Variants in HECW1 observed in about 807,000 individuals in gnomAD.
The protein encoded by HECW1 is E3 ubiquitin-protein ligase HECW1.
Under a neutral mutation model 182.3 loss-of-function variants are expected in HECW1, and 61 were observed. That is an observed-to-expected ratio of 0.33 (90% CI 0.27 to 0.41). HECW1 has a LOEUF of 0.41. Among genes scored for constraint, HECW1 ranks in the 10% least tolerant of loss-of-function variants. HECW1 has a pLI of 1.00. For missense variants in HECW1, 1,739 were observed against 2,108.9 expected (o/e 0.82, Z 3.44); for synonymous variants, 859 against 832.6 (o/e 1.03, Z -0.55).
rs761303912 is a variant in HECW1 at position 43,493,137 on chromosome 7, C to T, written c.3394C>T (p.Leu1132=). 6.2e-7 allele frequency: 1 copy of T among 1,613,738 alleles called. No individual in the cohort carries two copies. The highest frequency in any genetic ancestry group is 8.5e-7 in the Non-Finnish European group (1 of 1,179,798). ...FLRQPNIFEM[L]QERQPSLARN... ...TCGCCAGCCAAACATTTTTGAAATG[C>T]TGCAAGAGCGTCAGCCAAGCTTAGC... is the stretch of plus-strand genomic sequence containing the variant. The change falls in exon 19 of 30, where the codon CTG becomes TTG. Residue 1132 remains leucine (L), a synonymous_variant. Coordinates refer to ENST00000395891, the MANE Select transcript of HECW1 (RefSeq NM_015052.5).
intron 8 of HECW1, among the ~76,000 whole-genome samples, chr7:43,428,591 T>C (rs1470715055): frequency 1.3e-5 from 2 of 152,196 alleles, no homozygotes; most frequent in Non-Finnish European, 2.9e-5. Flanking sequence ...AAATTTAGAC[T>C]TACTGACTGA....
rs770843891 is a variant in HECW1, at chr7:43,112,847, G to C, written c.-357G>C. 6 of 226,792 alleles carry C rather than the reference G, an allele frequency of 2.6e-5. No individual in the cohort carries two copies. Among genetic ancestry groups the C allele is most frequent in the Middle Eastern group, 1.3e-3 (1 of 760 alleles). The allele number at this position is 226,792 out of a possible 1,614,324, so 14.0% of individuals were successfully genotyped here. A position where few individuals can be genotyped will look rare whatever the true frequency, so the allele number is the denominator to read the frequency against. ...GTCCCCTCCCCAGCCAGTCCCAGGC[G>C]CCCGGTGCACTATGCGGGGCACGTG... On this transcript the variant is annotated 5_prime_UTR_variant, in exon 1 of 30. Coordinates refer to ENST00000395891, the MANE Select transcript of HECW1 (RefSeq NM_015052.5).
rs545821644 is a variant in HECW1, at chr7:43,497,361, A to G, written c.3438-3338A>G. On this transcript the variant is annotated intron_variant, in intron 19 of 29. Transcript: ENST00000395891. ...TGGTGAAGTTGGAGAGGGAGGCCCTATCACCAACCGGAAACATTTTATTTG... is the reference window on the plus strand; with the variant it reads ...TGGTGAAGTTGGAGAGGGAGGCCCTGTCACCAACCGGAAACATTTTATTTG... Among the ~76,000 whole-genome samples the G allele has an allele frequency of 9.2e-5, 14 of 152,324 alleles. No homozygotes were observed. The East Asian group carries it at 1.3e-3, about 15-fold the overall frequency.
chr7:43,405,449 C>T (rs1205635961), intron 7 of HECW1, among the ~76,000 whole-genome samples: 1 of 152,076 alleles, frequency 6.6e-6, no homozygotes, highest in Non-Finnish European at 1.5e-5. Flanking sequence ...AAGCCAGGAG[C>T]AAGCTTCCAA....
At chr7:43,327,301 G>A (rs1349042358) in intron 5 of HECW1, among the ~76,000 whole-genome samples, 1 of 152,046 alleles carries the variant, frequency 6.6e-6, no homozygotes, top group African/African-American at 2.4e-5. Flanking sequence ...TTATATTATT[G>A]TGCCATCTGA....
intron 6 of HECW1, among the ~76,000 whole-genome samples, chr7:43,365,159 C>T (rs1325492571): frequency 6.6e-6 from 1 of 152,254 alleles, no homozygotes; most frequent in Non-Finnish European, 1.5e-5. Flanking sequence ...GGGGCCCTCC[C>T]TTTGCCTGCC....
At chr7:43,377,035 T>C (rs2074359727) in intron 6 of HECW1, among the ~76,000 whole-genome samples, 1 of 151,968 alleles carries the variant, frequency 6.6e-6, no homozygotes, top group African/African-American at 2.4e-5. Flanking sequence ...AGAGCCAACA[T>C]GAGTAAAGTT....
chr7:43,546,268 T>C (rs891818995), intron 26 of HECW1, among the ~76,000 whole-genome samples: 1 of 149,368 alleles, frequency 6.7e-6, no homozygotes, highest in Non-Finnish European at 1.5e-5. Context: ...TCTTTCATGA[T>C]TTCCTTGATT....
intron 27 of HECW1, among the ~76,000 whole-genome samples, chr7:43,552,000 G>A (rs975303959): frequency 2.0e-4 from 30 of 152,064 alleles, no homozygotes; most frequent in Non-Finnish European, 2.8e-4. Flanking sequence ...CTCCTAATAC[G>A]ATCCCCTCAG....
chr7:43,134,546 C>A (rs1787318418), intron 2 of HECW1, among the ~76,000 whole-genome samples: 1 of 151,868 alleles, frequency 6.6e-6, no homozygotes, highest in African/African-American at 2.4e-5. Flanking sequence ...TGCTCTGTCC[C>A]CAAGGCTGGA....
intron 2 of HECW1, among the ~76,000 whole-genome samples, chr7:43,187,796 T>C (rs889117299): frequency 1.3e-5 from 2 of 152,164 alleles, no homozygotes; most frequent in African/African-American, 2.4e-5. Context: ...TTGGTAATTA[T>C]AGGTGAGCTC....
At chr7:43,204,005 T>C (rs1298050573) in intron 2 of HECW1, among the ~76,000 whole-genome samples, 1 of 152,250 alleles carries the variant, frequency 6.6e-6, no homozygotes, top group Admixed American at 6.5e-5. Context: ...AGAATTTATT[T>C]TGAACTTGTA....
chr7:43,238,492 C>T (rs1286695054), intron 2 of HECW1, among the ~76,000 whole-genome samples: 1 of 152,188 alleles, frequency 6.6e-6, no homozygotes, highest in Non-Finnish European at 1.5e-5. Flanking sequence ...CCTCTAGGGA[C>T]AAACTGGATC....
chr7:43,250,069 C>T (rs1308460609), intron 3 of HECW1, among the ~76,000 whole-genome samples: 1 of 151,508 alleles, frequency 6.6e-6, no homozygotes, highest in Non-Finnish European at 1.5e-5. Flanking sequence ...ATATACGCCA[C>T]GGATGGATGT....
intron 6 of HECW1, among the ~76,000 whole-genome samples, chr7:43,372,406 C>T (rs907706551): frequency 2.5e-5 from 3 of 119,902 alleles, no homozygotes; most frequent in Non-Finnish European, 5.4e-5. Context: ...ATGTGCACAA[C>T]GTGCAGGTTT....
At chr7:43,423,258 A>G (rs771875075) in intron 8 of HECW1, among the ~76,000 whole-genome samples, 1 of 152,232 alleles carries the variant, frequency 6.6e-6, no homozygotes, top group African/African-American at 2.4e-5. Context: ...ATGATTTTTT[A>G]AGTTCCCTGA....
At chr7:43,482,465 G>A (rs528194161) in intron 17 of HECW1, among the ~76,000 whole-genome samples, 32 of 152,330 alleles carry the variant, frequency 2.1e-4, no homozygotes, top group African/African-American at 7.0e-4. Flanking sequence ...CTGCCTTAGA[G>A]AAGTTTGTAT....
chr7:43,400,917 A>C (rs777776158), intron 7 of HECW1, among the ~76,000 whole-genome samples: 3 of 152,182 alleles, frequency 2.0e-5, no homozygotes, highest in Admixed American at 2.0e-4. Flanking sequence ...GGCTGCCAGC[A>C]TTCTTTGGCT....
intron 27 of HECW1, among the ~76,000 whole-genome samples, chr7:43,551,833 T>G (rs987094573): frequency 1.3e-5 from 2 of 152,180 alleles, no homozygotes; most frequent in African/African-American, 4.8e-5. Context: ...ATCAAGGTAC[T>G]AGCAGATTTG....
Sources: gnomAD v4.1 joint callset for allele counts (sites outside exome capture counted in the v4.1 genomes callset) on GRCh38, gnomAD v4.1.1 for gene constraint, MANE v1.5 for transcripts, NCBI Gene and HGNC (gene_info 2026-07-23, HGNC 2026-07-21) for gene names.